Variants in GPR155 observed in about 807,000 individuals in gnomAD.
GPR155 encodes lysosomal cholesterol signaling protein.
A neutral mutation model predicts 93.1 loss-of-function variants in GPR155; 65 were observed. The observed-to-expected ratio is 0.70, with a 90% confidence interval of 0.57 to 0.86. GPR155 has a LOEUF of 0.86. Among genes scored for constraint, GPR155 ranks in the 40% least tolerant of loss-of-function variants. GPR155 has a pLI of 0.00. For synonymous variants in GPR155, 319 were observed against 360.1 expected (o/e 0.89, Z 1.29); for missense variants, 838 against 1,034.8 (o/e 0.81, Z 2.61).
rs1363301299 is a variant in GPR155 at position 174,470,440 on chromosome 2, C to A, written c.976G>T (p.Ala326Ser). ...YAFLYGVFPV[A>S]PGVAIFATQF... ...GTTGCAAAGATAGCCACTCCTGGTG[C>A]TACAGGAAATACACCATACAGAAAT... The change falls in exon 4 of 16, where the codon GCA becomes TCA. Residue 326 changes from alanine to serine, a missense_variant. Ala to Ser is a moderately conservative substitution (Grantham distance 99, BLOSUM62 1). Transcript: ENST00000392552. The A allele has an allele frequency of 6.2e-7, 1 of 1,613,360 alleles. No homozygotes were observed. Among genetic ancestry groups the A allele is most frequent in the African/African-American group, 1.3e-5 (1 of 74,912 alleles).
intron 2 of GPR155, among the ~76,000 whole-genome samples, chr2:174,477,107 T>G (rs1688188667): frequency 6.6e-6 from 1 of 152,240 alleles, no homozygotes; most frequent in Non-Finnish European, 1.5e-5. Context: ...CGCAGCTCTT[T>G]ACATCGAATT....
At chr2:174,477,614 T>C (rs1049803179) in intron 2 of GPR155, among the ~76,000 whole-genome samples, 41 of 152,210 alleles carry the variant, frequency 2.7e-4, no homozygotes, top group African/African-American at 8.9e-4. Context: ...ATTTGCATAA[T>C]TAACATTACA....
At chr2:174,459,199 C>G (rs1456492333) in intron 10 of GPR155, among the ~76,000 whole-genome samples, 1 of 151,404 alleles carries the variant, frequency 6.6e-6, no homozygotes, top group East Asian at 1.9e-4. Context: ...AACTGACTTA[C>G]ATCATTAATC....
chr2:174,455,634 G>C (rs191695703), intron 10 of GPR155, among the ~76,000 whole-genome samples: 1 of 152,296 alleles, frequency 6.6e-6, no homozygotes, highest in East Asian at 1.9e-4. Context: ...GGGAGGTCAG[G>C]GGGAGGAGGG....
intron 5 of GPR155, among the ~76,000 whole-genome samples, chr2:174,468,656 C>T (rs1242777388): frequency 6.6e-6 from 1 of 152,170 alleles, no homozygotes; most frequent in African/African-American, 2.4e-5. Flanking sequence ...TCCACAGAGG[C>T]ATACAGCTAG....
At chr2:174,482,790 G>T (rs1440813275) in intron 1 of GPR155, 1 of 152,242 alleles carries the variant, frequency 6.6e-6, no homozygotes, top group African/African-American at 2.4e-5. Flanking sequence ...ATGAGCCACT[G>T]TGCCCGACCT....
intron 11 of GPR155, among the ~76,000 whole-genome samples, chr2:174,447,358 TTA>T (rs888317930): frequency 2.0e-5 from 3 of 146,880 alleles, no homozygotes; most frequent in African/African-American, 7.4e-5. Flanking sequence ...TATATAATTT[TTA>T]TATAATTAAT....
At chr2:174,455,306 G>C (rs1248562958) in intron 10 of GPR155, among the ~76,000 whole-genome samples, 1 of 152,204 alleles carries the variant, frequency 6.6e-6, no homozygotes, top group Admixed American at 6.5e-5. Context: ...CCGAGTGCTG[G>C]ACGGACCAAA....
Position 174,460,055 on chromosome 2 carries a change from T to A in GPR155, c.1594A>T (p.Ile532Phe). The A allele has an allele frequency of 6.2e-7, 1 of 1,613,464 alleles. No individual in the cohort carries two copies. The highest frequency in any genetic ancestry group is 8.5e-7 in the Non-Finnish European group (1 of 1,180,002). Residue 532 changes from isoleucine (I) to phenylalanine (F), a missense_variant, in exon 10 of 16, where the codon ATC becomes TTC. Physicochemically the swap from Ile to Phe is conservative, Grantham distance 21. This residue lies in a region of GPR155 where 663 missense variants were observed against 790.1 expected (regional missense o/e 0.84). Coordinates refer to ENST00000392552, the MANE Select transcript of GPR155 (RefSeq NM_152529.7). Reference protein sequence around the residue: ...ITTAVTLFCSILIAGISLMCM... With the variant: ...ITTAVTLFCSFLIAGISLMCM... The stretch of plus-strand genomic sequence containing the variant: ...ATGAGGGATATGCCAGCTATCAGGA[T>A]GCTGCAGAACAGGGTGACTGCTGTG...
chr2:174,440,477 T>G (rs1194752549), intron 14 of GPR155, among the ~76,000 whole-genome samples: 1 of 152,046 alleles, frequency 6.6e-6, no homozygotes, highest in Non-Finnish European at 1.5e-5. Flanking sequence ...ACGAAACAGT[T>G]TTGTTTCAGC....
At chr2:174,459,721 T>C (rs932851158) in intron 10 of GPR155, among the ~76,000 whole-genome samples, 157 bp downstream of exon 10, 3 of 152,208 alleles carry the variant, frequency 2.0e-5, no homozygotes, top group African/African-American at 7.2e-5. Flanking sequence ...GGCAGGCACC[T>C]GTAGTCCTAG....
intron 11 of GPR155, among the ~76,000 whole-genome samples, chr2:174,453,369 G>T (rs1687382402): frequency 1.3e-5 from 2 of 152,184 alleles, no homozygotes; most frequent in Non-Finnish European, 2.9e-5. Context: ...ATAAGAATAA[G>T]GAATCTTCTG....
Position 174,473,203 on chromosome 2 carries a change from C to CCACAAT in GPR155, c.616_621dup (p.Ile206_Val207dup). On this transcript the variant is annotated inframe_insertion, in exon 3 of 16. Coordinates refer to ENST00000392552, the MANE Select transcript of GPR155 (RefSeq NM_152529.7). Reference sequence around the variant, plus strand: ...TGTAATACACGCAGGAGTCCGAGTCCCACAATTTTTATTTTATTTTGAGAA... The same window carrying CCACAAT: ...TGTAATACACGCAGGAGTCCGAGTCCCACAATCACAATTTTTATTTTATTTTGAGAA... The CCACAAT allele has an allele frequency of 1.9e-6, 3 of 1,613,450 alleles. No homozygotes were observed. Among genetic ancestry groups the CCACAAT allele is most frequent in the Non-Finnish European group, 2.5e-6 (3 of 1,179,680 alleles).
Position 174,446,316 on chromosome 2 carries a change from AAAAAT to A in GPR155, c.2013+290_2013+294del, listed in dbSNP as rs569223255. Among the ~76,000 whole-genome samples the A allele has an allele frequency of 1.2e-3, 27 of 23,376 alleles. 2 individuals carry two copies. Among genetic ancestry groups the A allele is most frequent in the African/African-American group, 1.7e-3 (22 of 12,602 alleles). 15.3% of individuals were successfully genotyped at this position (23,376 alleles called of 152,430 possible). The stretch of plus-strand genomic sequence containing the variant: ...AGTTAGACTCTGTCTCAAAAAAAAA[AAAAAT>A]AAAAAATAAAAAGAAATAGCTGCTT... On this transcript the variant is annotated intron_variant, in intron 12 of 15. Transcript: ENST00000392552.
Position 174,435,960 on chromosome 2 carries a change from G to T in GPR155, c.*156C>A. 1 of 615,494 alleles carries T rather than the reference G, an allele frequency of 1.6e-6. No homozygotes were observed. Among genetic ancestry groups the T allele is most frequent in the Non-Finnish European group, 2.9e-6 (1 of 343,478 alleles). The allele number at this position is 615,494 out of a possible 1,614,324, so 38.1% of individuals were successfully genotyped here. A position where few individuals can be genotyped will look rare whatever the true frequency, so the allele number is the denominator to read the frequency against. On this transcript the variant is annotated 3_prime_UTR_variant, in exon 16 of 16. Coordinates refer to ENST00000392552, the MANE Select transcript of GPR155 (RefSeq NM_152529.7). Reference sequence around the variant, plus strand: ...ACATACATGTAAAATCACAGACCCTGCGCATGTGGTGGGAGCACATCTTTT... The same window carrying T: ...ACATACATGTAAAATCACAGACCCTTCGCATGTGGTGGGAGCACATCTTTT...
intron 11 of GPR155, among the ~76,000 whole-genome samples, chr2:174,452,406 A>G (rs1298921973): frequency 2.0e-5 from 3 of 152,236 alleles, no homozygotes; most frequent in African/African-American, 7.2e-5. Context: ...AGTGATTTGC[A>G]TACATTGTTT....
At chr2:174,447,252 G>C (rs1282620755) in intron 11 of GPR155, among the ~76,000 whole-genome samples, 1 of 150,754 alleles carries the variant, frequency 6.6e-6, no homozygotes, top group East Asian at 1.9e-4. Context: ...CAGGAGAATC[G>C]CTTGAACCCA....
rs560419357 is a variant in GPR155 at position 174,481,516 on chromosome 2, A to G, written c.441T>C (p.Phe147=). Residue 147 remains phenylalanine (F), a synonymous_variant, in exon 2 of 16, where the codon TTT becomes TTC. Coordinates refer to ENST00000392552, the MANE Select transcript of GPR155 (RefSeq NM_152529.7). The part of the protein sequence containing the change: ...FPIFATQSND[F]ALGYPIVEAL... ...ACTTACCTATAGGGTATCCCAATGC[A>G]AAGTCATTACTTTGTGTAGCAAAAA... is the stretch of plus-strand genomic sequence containing the variant. 1.2e-6 allele frequency: 2 copies of G among 1,603,858 alleles called. No homozygotes were observed. The highest frequency in any genetic ancestry group is 3.4e-5 in the Admixed American group (2 of 58,878).
At chr2:174,469,289 T>A (rs947036248) in intron 4 of GPR155, among the ~76,000 whole-genome samples, 1 of 152,216 alleles carries the variant, frequency 6.6e-6, no homozygotes, top group Non-Finnish European at 1.5e-5. Context: ...CTATGCTTAA[T>A]TTATATTTAC....
Sources: allele counts gnomAD v4.1 joint callset (sites outside exome capture counted in the v4.1 genomes callset), GRCh38; gene constraint gnomAD v4.1.1; regional missense constraint gnomAD v4.1.1; transcripts MANE v1.5; gene names NCBI Gene and HGNC (gene_info 2026-07-23, HGNC 2026-07-21).